The following DOCK3 variants were observed in gnomAD, a reference collection of about 807,000 sequenced individuals.
DOCK3 encodes the protein dedicator of cytokinesis protein 3.
Under a neutral mutation model 265.6 loss-of-function variants are expected in DOCK3, and 60 were observed. That is an observed-to-expected ratio of 0.23 (90% CI 0.18 to 0.28). DOCK3 has a LOEUF of 0.28. Ranked by LOEUF, DOCK3 falls within the 10% of genes least tolerant of loss-of-function variation. The pLI is 1.00. For missense variants in DOCK3, 1,981 were observed against 2,594.3 expected, an observed-to-expected ratio of 0.76 and a Z score of 5.14; for synonymous variants, 881 against 938.0, an observed-to-expected ratio of 0.94 and a Z score of 1.11.
At chr3:51,260,559 A>G (rs2079796396) in intron 23 of DOCK3, among the ~76,000 whole-genome samples, 1 of 152,242 alleles carries the variant, frequency 6.6e-6, no homozygotes, top group Non-Finnish European at 1.5e-5. Flanking sequence ...GAGAAGAAGC[A>G]CAAATTTGTT....
At chr3:50,963,730 T>C (rs1193521844) in intron 5 of DOCK3, among the ~76,000 whole-genome samples, 1 of 152,198 alleles carries the variant, frequency 6.6e-6, no homozygotes, top group Non-Finnish European at 1.5e-5. Context: ...AGCTGTAAGA[T>C]TGCTTCAGCT....
intron 15 of DOCK3, among the ~76,000 whole-genome samples, chr3:51,227,074 G>A (rs1472583703): frequency 1.3e-5 from 2 of 152,148 alleles, no homozygotes; most frequent in South Asian, 2.1e-4. Flanking sequence ...AGGAAAACAA[G>A]GAGCATTGTG....
chr3:50,869,717 CGCT>C (rs764570747), intron 3 of DOCK3, among the ~76,000 whole-genome samples: 1 of 151,968 alleles, frequency 6.6e-6, no homozygotes, highest in African/African-American at 2.4e-5. Flanking sequence ...TTGATTTGCT[CGCT>C]TTGCTAGTCC....
chr3:51,239,627 T>C (rs2078519104), intron 21 of DOCK3, among the ~76,000 whole-genome samples: 1 of 151,630 alleles, frequency 6.6e-6, no homozygotes, highest in Non-Finnish European at 1.5e-5. Flanking sequence ...TGACTCAAGT[T>C]CACAGTTTAT....
chr3:50,769,977 A>G (rs1197048076), intron 1 of DOCK3, among the ~76,000 whole-genome samples: 1 of 152,158 alleles, frequency 6.6e-6, no homozygotes, highest in Non-Finnish European at 1.5e-5. Context: ...TAAAACTAAG[A>G]AATGAGAATT....
intron 5 of DOCK3, among the ~76,000 whole-genome samples, chr3:50,988,881 C>T (rs571036768): frequency 6.6e-5 from 10 of 152,268 alleles, no homozygotes; most frequent in Admixed American, 1.3e-4. Context: ...AGCTATCAAG[C>T]GAGTGGCAAC....
intron 5 of DOCK3, among the ~76,000 whole-genome samples, chr3:50,970,949 T>TAAC (rs2077210438): frequency 8.2e-5 from 2 of 24,450 alleles, no homozygotes; most frequent in African/African-American, 2.7e-4. Flanking sequence ...ATATATATAA[T>TAAC]GTGTGTGTGT....
chr3:51,056,697 G>A (rs1387206768), intron 5 of DOCK3, among the ~76,000 whole-genome samples: 1 of 152,134 alleles, frequency 6.6e-6, no homozygotes, highest in East Asian at 1.9e-4. Context: ...TTGAAGATTA[G>A]TAGTAATGAA....
chr3:50,702,661 G>T (rs1448516276), intron 1 of DOCK3, among the ~76,000 whole-genome samples: 1 of 152,024 alleles, frequency 6.6e-6, no homozygotes, highest in African/African-American at 2.4e-5. Flanking sequence ...GAGCCACTGT[G>T]CCCAGTCTGA....
chr3:51,265,580 AC>A (rs1454068076), intron 23 of DOCK3, among the ~76,000 whole-genome samples: 1 of 152,250 alleles, frequency 6.6e-6, no homozygotes, highest in Non-Finnish European at 1.5e-5. Flanking sequence ...CATCACATAA[AC>A]AGAACCAATG....
At chr3:50,934,200 T>C in intron 5 of DOCK3, 123 bp downstream of exon 5, 1 of 697,930 alleles carries the variant, frequency 1.4e-6, no homozygotes, top group East Asian at 2.8e-5. Context: ...ACATATGTTC[T>C]TAATATTTAC....
intron 32 of DOCK3, among the ~76,000 whole-genome samples, chr3:51,324,329 A>G (rs902699431): frequency 6.6e-6 from 1 of 152,242 alleles, no homozygotes; most frequent in Non-Finnish European, 1.5e-5. Flanking sequence ...CAATTGCTAC[A>G]AAGAGAATAA....
intron 22 of DOCK3, among the ~76,000 whole-genome samples, chr3:51,253,647 T>G (rs2079384832): frequency 6.6e-6 from 1 of 152,226 alleles, no homozygotes; most frequent in Non-Finnish European, 1.5e-5. Flanking sequence ...CTAGTTTATT[T>G]GCGTAGAGGT....
At chr3:51,295,889 G>A (rs1376311279) in intron 27 of DOCK3, among the ~76,000 whole-genome samples, 3 of 152,132 alleles carry the variant, frequency 2.0e-5, no homozygotes, top group Non-Finnish European at 2.9e-5. Context: ...CCTCCAGGCT[G>A]GAGTACACTG....
At chr3:50,846,415 T>A (rs1267578858) in intron 3 of DOCK3, among the ~76,000 whole-genome samples, 1 of 152,192 alleles carries the variant, frequency 6.6e-6, no homozygotes, top group Non-Finnish European at 1.5e-5. Context: ...AGGTTACTAG[T>A]ATTTTGTTGA....
At chr3:51,362,743 C>A in intron 49 of DOCK3, 69 bp downstream of exon 49, 8 of 1,561,250 alleles carry the variant, frequency 5.1e-6, no homozygotes, top group Non-Finnish European at 6.9e-6. Context: ...TCGGCTTCCT[C>A]TCATCTGTGG....
chr3:50,694,549 C>G (rs1337049034), intron 1 of DOCK3, among the ~76,000 whole-genome samples: 1 of 152,208 alleles, frequency 6.6e-6, no homozygotes, highest in Non-Finnish European at 1.5e-5. Context: ...TGGCTCACGC[C>G]TGTAATCCCA....
chr3:51,078,069 CAGAGAGAGAGAAAGAAACAGAG>C (rs933099896), intron 7 of DOCK3, among the ~76,000 whole-genome samples: 5 of 5,166 alleles, frequency 9.7e-4, no homozygotes, highest in African/African-American at 1.7e-3. Context: ...AAGAGAGAGA[CAGAGAGAGAGAAAGAAACAGAG>C]AGAGAGACCA....
chr3:51,136,378 C>T (rs1424675595), intron 9 of DOCK3, among the ~76,000 whole-genome samples: 1 of 152,062 alleles, frequency 6.6e-6, no homozygotes, highest in African/African-American at 2.4e-5. Flanking sequence ...AGGCACCCAC[C>T]ACCACACCCG....
Sources: gnomAD v4.1 joint callset for allele counts (sites outside exome capture counted in the v4.1 genomes callset) on GRCh38, gnomAD v4.1.1 for gene constraint, MANE v1.5 for transcripts, NCBI Gene and HGNC (gene_info 2026-07-23, HGNC 2026-07-21) for gene names.